The following AKAP13 variants were observed in gnomAD, a reference collection of about 807,000 sequenced individuals.
AKAP13 encodes the protein A-kinase anchoring protein 13.
AKAP13 carries 80 observed loss-of-function variants against 264.5 expected under a neutral mutation model. The observed-to-expected ratio is 0.30, with a 90% CI of 0.25 to 0.36. The LOEUF (loss-of-function observed/expected upper bound fraction) is 0.36. Ranked by LOEUF, AKAP13 falls within the 10% of genes least tolerant of loss-of-function variation. AKAP13 has a pLI of 1.00. For synonymous variants in AKAP13, 1,380 were observed against 1,250.2 expected, an observed-to-expected ratio of 1.10 and a Z score of -2.19; for missense variants, 3,712 against 3,435.2, an observed-to-expected ratio of 1.08 and a Z score of -2.01.
intron 9 of AKAP13, among the ~76,000 whole-genome samples, chr15:85,644,693 C>CAAAAAAA (rs1161365911): frequency 0.012 from 1,228 of 103,788 alleles, no homozygotes; most frequent in East Asian, 0.027. Context: ...ACTAAAAATA[C>CAAAAAAA]AAAAAAAAAA....
At chr15:85,480,632 A>G (rs550375650) in intron 1 of AKAP13, among the ~76,000 whole-genome samples, 2 of 152,106 alleles carry the variant, frequency 1.3e-5, no homozygotes, top group South Asian at 4.2e-4. Context: ...GGGGGGGTTA[A>G]GCTGAAAATA....
intron 16 of AKAP13, among the ~76,000 whole-genome samples, chr15:85,690,911 A>T (rs1160057658): frequency 6.6e-6 from 1 of 152,228 alleles, no homozygotes; most frequent in African/African-American, 2.4e-5. Context: ...TGTAAAATGG[A>T]GATAATACCT....
intron 6 of AKAP13, chr15:85,577,819 G>A (rs1471518590): frequency 1.0e-6 from 1 of 985,384 alleles, no homozygotes; most frequent in Non-Finnish European, 1.2e-6. Flanking sequence ...TAACTCGATG[G>A]TTAAGTTAGA....
chr15:85,613,691 A>C (rs77570250), intron 8 of AKAP13, among the ~76,000 whole-genome samples: 1 of 91,968 alleles, frequency 1.1e-5, no homozygotes. Context: ...AAAAAAAAAA[A>C]ATATATATAT....
At chr15:85,665,484 A>G (rs1402017680) in intron 13 of AKAP13, among the ~76,000 whole-genome samples, 1 of 152,220 alleles carries the variant, frequency 6.6e-6, no homozygotes, top group Non-Finnish European at 1.5e-5. Flanking sequence ...AGGAAATGTC[A>G]GTTGATTCTC....
chr15:85,746,499 G>T lies in AKAP13; in HGVS notation c.*1822G>T, dbSNP rs1186200498. The stretch of plus-strand genomic sequence containing the variant: ...ACCCCGCCTCATTCTTTAATCAAAG[G>T]ATGTCTTCTCCCTTGTTTGAGAATG... On this transcript the variant is annotated 3_prime_UTR_variant, in exon 37 of 37. Transcript: ENST00000394518. The T allele has an allele frequency of 2.0e-5, 3 of 151,946 alleles. No homozygotes were observed. The East Asian group carries it at 5.8e-4, about 29-fold the overall frequency. The allele number at this position is 151,946 out of a possible 1,614,324, so 9.4% of individuals were successfully genotyped here. A position where few individuals can be genotyped will look rare whatever the true frequency, so the allele number is the denominator to read the frequency against.
Position 85,684,794 on chromosome 15 carries a change from C to A in AKAP13, c.5210C>A (p.Ser1737Tyr), listed in dbSNP as rs1315051145. ...CCACATAGCCCCTCCAAGAAAGATTCTGAATGGAAGAGTGGAACAAAAGTC... is the reference window on the plus strand; with the variant it reads ...CCACATAGCCCCTCCAAGAAAGATTATGAATGGAAGAGTGGAACAAAAGTC... ...FLPHSPSKKD[S>Y]EWKSGTKVSR... Residue 1737 changes from serine to tyrosine, a missense_variant, in exon 16 of 37, where the codon TCT becomes TAT. By Grantham distance (144) the Ser-to-Tyr change is moderately radical (BLOSUM62 -2). Coordinates refer to ENST00000394518, the MANE Select transcript of AKAP13 (RefSeq NM_007200.5). The A allele has an allele frequency of 6.2e-7, 1 of 1,613,826 alleles. No individual in the cohort carries two copies. Among genetic ancestry groups the A allele is most frequent in the Non-Finnish European group, 8.5e-7 (1 of 1,179,966 alleles).
chr15:85,723,857 T>A (rs538394870), intron 26 of AKAP13, among the ~76,000 whole-genome samples: 1 of 152,244 alleles, frequency 6.6e-6, no homozygotes, highest in Non-Finnish European at 1.5e-5. Flanking sequence ...TATTCGTATA[T>A]CTTTAAAGCA....
chr15:85,453,843 G>A lies in AKAP13; in HGVS notation c.-11-31867G>A, dbSNP rs547565774. ...GGGTGGCTGGAGGCCCAGGTTGGGA[G>A]GTCCTACCCAGTGAAGAGGAATGGG... On this transcript the variant is annotated intron_variant, in intron 1 of 36. Transcript: ENST00000394518. 2.0e-5 allele frequency among the ~76,000 whole-genome samples: 3 copies of A among 152,242 alleles called. No homozygotes were observed. The South Asian group carries it at 6.2e-4, about 32-fold the overall frequency.
intron 2 of AKAP13, 140 bp downstream of exon 2, chr15:85,485,893 C>T (rs1366955587): frequency 2.8e-6 from 2 of 703,376 alleles, no homozygotes; most frequent in African/African-American, 1.8e-5. Flanking sequence ...TAAGACACTT[C>T]AGAAATTGAG....
At chr15:85,545,251 G>T (rs1235703326) in intron 5 of AKAP13, among the ~76,000 whole-genome samples, 1 of 152,216 alleles carries the variant, frequency 6.6e-6, no homozygotes, top group Admixed American at 6.5e-5. Flanking sequence ...GAGAGGCCTT[G>T]TTTCAGAAGT....
intron 34 of AKAP13, among the ~76,000 whole-genome samples, chr15:85,740,794 G>A (rs2088917842): frequency 2.0e-5 from 1 of 51,114 alleles, no homozygotes; most frequent in South Asian, 5.2e-4. Flanking sequence ...CCCACCCCAG[G>A]TAATACCACT....
chr15:85,586,372 A>G (rs2079348768), intron 8 of AKAP13, among the ~76,000 whole-genome samples: 1 of 151,784 alleles, frequency 6.6e-6, no homozygotes, highest in African/African-American at 2.4e-5. Flanking sequence ...ATGACTGACT[A>G]ATTTTTGTAC....
Position 85,676,838 on chromosome 15 carries a change from A to G in AKAP13, c.5102-5320A>G, listed in dbSNP as rs185791582. 1.7e-4 allele frequency: 125 copies of G among 732,316 alleles called. No individual in the cohort carries two copies. In the African/African-American group the frequency reaches 2.3e-3, roughly 14 times the overall value. 45.4% of individuals were successfully genotyped at this position (732,316 alleles called of 1,614,324 possible). On this transcript the variant is annotated intron_variant, in intron 14 of 36. Coordinates refer to ENST00000394518, the MANE Select transcript of AKAP13 (RefSeq NM_007200.5). The stretch of plus-strand genomic sequence containing the variant: ...TTCAGAAATGGAGATGAGAATGTAA[A>G]CAAATTATTACATCATTCACCTAGA...
intron 1 of AKAP13, among the ~76,000 whole-genome samples, chr15:85,420,265 T>C (rs528018750): frequency 6.6e-6 from 1 of 152,066 alleles, no homozygotes; most frequent in Admixed American, 6.5e-5. Context: ...CTGACTCTTT[T>C]AACAGTATTC....
chr15:85,608,656 G>A (rs1182275403), intron 8 of AKAP13, among the ~76,000 whole-genome samples: 1 of 152,178 alleles, frequency 6.6e-6, no homozygotes. Flanking sequence ...CTTTGACTAA[G>A]GTGGATAGGC....
chr15:85,415,960 G>T (rs1480878274), intron 1 of AKAP13, among the ~76,000 whole-genome samples: 1 of 152,114 alleles, frequency 6.6e-6, no homozygotes, highest in Non-Finnish European at 1.5e-5. Flanking sequence ...CTAGAGCTCA[G>T]TTTTCATGGA....
intron 1 of AKAP13, among the ~76,000 whole-genome samples, chr15:85,448,658 C>T (rs1189799114): frequency 6.6e-6 from 1 of 152,084 alleles, no homozygotes; most frequent in Non-Finnish European, 1.5e-5. Context: ...TCACCTTTGT[C>T]AAAGATCAGA....
chr15:85,432,917 A>G (rs2073085846), intron 1 of AKAP13, among the ~76,000 whole-genome samples: 1 of 152,046 alleles, frequency 6.6e-6, no homozygotes, highest in African/African-American at 2.4e-5. Context: ...TCCCAGGTAT[A>G]TAGGTGATGG....
Sources: allele counts gnomAD v4.1 joint callset (sites outside exome capture counted in the v4.1 genomes callset), GRCh38; gene constraint gnomAD v4.1.1; transcripts MANE v1.5; gene names NCBI Gene and HGNC (gene_info 2026-07-23, HGNC 2026-07-21).